EPHA5: variants seen among roughly 807,000 people sequenced by gnomAD.
The protein encoded by EPHA5 is EPH receptor A5.
A neutral mutation model predicts 105.0 loss-of-function variants in EPHA5; 60 were observed. That is an observed-to-expected ratio of 0.57 (90% CI 0.46 to 0.71). The LOEUF (loss-of-function observed/expected upper bound fraction) is 0.71. EPHA5 is among the 30% of genes least tolerant of loss of function. The pLI is 0.00. For missense variants in EPHA5, 1,218 were observed against 1,274.7 expected (o/e 0.96, Z 0.68); for synonymous variants, 513 against 449.1 (o/e 1.14, Z -1.80).
chr4:65,572,166 T>C (rs1262090914), intron 3 of EPHA5, among the ~76,000 whole-genome samples: 1 of 152,138 alleles, frequency 6.6e-6, no homozygotes, highest in Non-Finnish European at 1.5e-5. Context: ...GAATTCCATA[T>C]AGCAATAAAA....
chr4:65,475,646 A>G (rs1729724315), intron 5 of EPHA5, among the ~76,000 whole-genome samples: 1 of 152,210 alleles, frequency 6.6e-6, no homozygotes, highest in African/African-American at 2.4e-5. Context: ...CATTTTTAAC[A>G]AATAAATTCA....
intron 1 of EPHA5, among the ~76,000 whole-genome samples, chr4:65,660,987 T>C (rs1434053419): frequency 1.3e-5 from 2 of 152,176 alleles, no homozygotes; most frequent in African/African-American, 4.8e-5. Flanking sequence ...TATTCAGTTA[T>C]ATTCCCAGGC....
At chr4:65,600,086 T>A (rs1235580189) in intron 3 of EPHA5, among the ~76,000 whole-genome samples, 1 of 152,126 alleles carries the variant, frequency 6.6e-6, no homozygotes, top group Non-Finnish European at 1.5e-5. Context: ...AAACAAATTT[T>A]TAGAAATAAT....
chr4:65,544,388 A>G (rs1013333609), intron 3 of EPHA5, among the ~76,000 whole-genome samples: 6 of 151,864 alleles, frequency 4.0e-5, no homozygotes, highest in African/African-American at 1.4e-4. Context: ...AAGAAACAAA[A>G]CAAACAACCT....
chr4:65,631,562 T>C (rs1746632127), intron 2 of EPHA5, among the ~76,000 whole-genome samples: 1 of 152,144 alleles, frequency 6.6e-6, no homozygotes, highest in Middle Eastern at 3.4e-3. Flanking sequence ...TGCTGTAACA[T>C]TTGCCTCAGA....
At chr4:65,588,225 C>G (rs1199769179) in intron 3 of EPHA5, among the ~76,000 whole-genome samples, 2 of 152,094 alleles carry the variant, frequency 1.3e-5, no homozygotes, top group African/African-American at 2.4e-5. Flanking sequence ...AATGTGTCAA[C>G]CCTTCTTCTT....
intron 3 of EPHA5, among the ~76,000 whole-genome samples, chr4:65,551,674 A>G (rs1330912030): frequency 6.6e-6 from 1 of 152,054 alleles, no homozygotes; most frequent in East Asian, 1.9e-4. Flanking sequence ...GAAAATTTTT[A>G]TTGTAACATT....
At chr4:65,429,613 C>G (rs563921859) in intron 5 of EPHA5, among the ~76,000 whole-genome samples, 40 of 152,126 alleles carry the variant, frequency 2.6e-4, no homozygotes, top group African/African-American at 9.6e-4. Flanking sequence ...TCCTTTCTCA[C>G]TTCTCATTGG....
intron 1 of EPHA5, among the ~76,000 whole-genome samples, chr4:65,647,742 T>G (rs929795296): frequency 6.6e-6 from 1 of 152,162 alleles, no homozygotes; most frequent in South Asian, 2.1e-4. Context: ...TCAAGGTGAC[T>G]TTTCCCTGAG....
At chr4:65,642,015 A>G (rs1747716393) in intron 2 of EPHA5, among the ~76,000 whole-genome samples, 1 of 152,008 alleles carries the variant, frequency 6.6e-6, no homozygotes, top group African/African-American at 2.4e-5. Flanking sequence ...CCATACGTAT[A>G]CTCTCATAGA....
intron 3 of EPHA5, among the ~76,000 whole-genome samples, chr4:65,516,059 T>C (rs1734076405): frequency 6.6e-6 from 1 of 152,150 alleles, no homozygotes; most frequent in Non-Finnish European, 1.5e-5. Flanking sequence ...TTCTCAGCCT[T>C]CATCATCACA....
chr4:65,333,129 A>C (rs1720799500), intron 15 of EPHA5, among the ~76,000 whole-genome samples: 1 of 151,840 alleles, frequency 6.6e-6, no homozygotes, highest in Non-Finnish European at 1.5e-5. Context: ...ATCTTAAGGG[A>C]ATAATCAGAA....
intron 1 of EPHA5, among the ~76,000 whole-genome samples, chr4:65,653,587 G>T (rs561414669): frequency 6.6e-6 from 1 of 151,816 alleles, no homozygotes; most frequent in Admixed American, 6.6e-5. Context: ...AAAATACAAT[G>T]GTTTATATAT....
At chr4:65,355,092 G>A (rs1345682480) in intron 11 of EPHA5, among the ~76,000 whole-genome samples, 1 of 151,734 alleles carries the variant, frequency 6.6e-6, no homozygotes, top group Non-Finnish European at 1.5e-5. Flanking sequence ...ACCTTGAAGA[G>A]TGCAGGGGTC....
chr4:65,500,003 A>T (rs1414884711), intron 3 of EPHA5, among the ~76,000 whole-genome samples: 1 of 151,338 alleles, frequency 6.6e-6, no homozygotes, highest in East Asian at 1.9e-4. Context: ...CACACCCATG[A>T]AGATACAAGT....
At chr4:65,643,479 T>C in intron 1 of EPHA5, 52 bp from the exon 2 acceptor site, 1 of 1,392,304 alleles carries the variant, frequency 7.2e-7, no homozygotes, top group East Asian at 2.3e-5. Flanking sequence ...TCATGAATAT[T>C]GTATCTCTAT....
chr4:65,471,976 C>T (rs1246371504), intron 5 of EPHA5, among the ~76,000 whole-genome samples: 7 of 152,038 alleles, frequency 4.6e-5, no homozygotes, highest in Admixed American at 6.6e-5. Flanking sequence ...AATTAACCAG[C>T]GATAACCCAA....
intron 2 of EPHA5, among the ~76,000 whole-genome samples, chr4:65,640,716 C>A (rs1413724487): frequency 6.6e-6 from 1 of 152,192 alleles, no homozygotes. Context: ...CTTCAATATT[C>A]AGCTAAGCAA....
At chr4:65,365,689 A>T (rs9312143) in intron 10 of EPHA5, among the ~76,000 whole-genome samples, 1,479 of 92,960 alleles carry the variant, frequency 0.016, 47 homozygotes, top group South Asian at 0.04. Flanking sequence ...ATATATATAT[A>T]GTGAAACATT....
Sources: gnomAD v4.1 joint callset for allele counts (sites outside exome capture counted in the v4.1 genomes callset) on GRCh38, gnomAD v4.1.1 for gene constraint, MANE v1.5 for transcripts, NCBI Gene and HGNC (gene_info 2026-07-23, HGNC 2026-07-21) for gene names.